Variants in CASR observed in about 807,000 individuals in gnomAD.
CASR encodes extracellular calcium-sensing receptor.
Under a neutral mutation model 69.1 loss-of-function variants are expected in CASR, and 23 were observed. That is an observed-to-expected ratio of 0.33 (90% CI 0.24 to 0.47). CASR has a LOEUF of 0.47. Ranked by LOEUF, CASR falls within the 20% of genes least tolerant of loss-of-function variation. The pLI, the probability that CASR is intolerant of heterozygous loss-of-function variation, is 1.00. For missense variants in CASR, 924 were observed against 1,356.1 expected (o/e 0.68, Z 5.00); for synonymous variants, 541 against 544.7 (o/e 0.99, Z 0.10).
chr3:122,280,277 C>T (rs60268541), intron 5 of CASR, among the ~76,000 whole-genome samples: 2,987 of 152,248 alleles, frequency 0.02, 108 homozygotes, highest in African/African-American at 0.066. Context: ...AAAAGCTGGA[C>T]GCATTCCCCT....
rs371792790 is a variant in CASR at position 122,289,030 on chromosome 3, G to C, written c.*3839G>C. ...TAATTTTGATTTTGGGGAAGTTGGG[G>C]CTACCCTACCTCTGTCTCCAAAAGG... On this transcript the variant is annotated 3_prime_UTR_variant, in exon 7 of 7. Transcript: ENST00000639785. The C allele has an allele frequency of 1.3e-5, 2 of 152,266 alleles. No individual in the cohort carries two copies. Among genetic ancestry groups the C allele is most frequent in the African/African-American group, 4.8e-5 (2 of 41,538 alleles). 9.4% of individuals were successfully genotyped at this position (152,266 alleles called of 1,614,324 possible).
rs201852643 is a variant in CASR at position 122,283,867 on chromosome 3, G to T, written c.1913G>T (p.Arg638Leu). 1.9e-6 allele frequency: 3 copies of T among 1,613,802 alleles called. No homozygotes were observed. The highest frequency in any genetic ancestry group is 2.5e-6 in the Non-Finnish European group (3 of 1,179,972). Reference sequence around the variant, plus strand: ...GTGCTGGGTGTGTTTATCAAGTTCCGCAACACACCCATTGTCAAGGCCACC... The same window carrying T: ...GTGCTGGGTGTGTTTATCAAGTTCCTCAACACACCCATTGTCAAGGCCACC... The part of the protein sequence containing the change: ...AFVLGVFIKF[R>L]NTPIVKATNR... Residue 638 changes from arginine to leucine, a missense_variant, in exon 7 of 7, where the codon CGC (arginine) becomes CTC (leucine). Coordinates refer to ENST00000639785, the MANE Select transcript of CASR (RefSeq NM_000388.4).
intron 1 of CASR, among the ~76,000 whole-genome samples, chr3:122,236,063 T>C (rs564520074): frequency 2.1e-4 from 32 of 152,358 alleles, no homozygotes; most frequent in African/African-American, 7.7e-4. Flanking sequence ...CTCACTTCCC[T>C]GCACCCGGCC....
chr3:122,265,138 A>G (rs1301543483), intron 4 of CASR, among the ~76,000 whole-genome samples: 1 of 152,212 alleles, frequency 6.6e-6, no homozygotes, highest in Non-Finnish European at 1.5e-5. Flanking sequence ...AGTCTTTTCA[A>G]ATCGTATTCC....
At chr3:122,231,589 A>G (rs776815016) in intron 1 of CASR, among the ~76,000 whole-genome samples, 2 of 152,200 alleles carry the variant, frequency 1.3e-5, no homozygotes, top group African/African-American at 2.4e-5. Flanking sequence ...CTCATCTTCC[A>G]TTCTTTCTCT....
At chr3:122,201,950 G>A (rs1264358748) in intron 1 of CASR, among the ~76,000 whole-genome samples, 1 of 151,968 alleles carries the variant, frequency 6.6e-6, no homozygotes, top group Non-Finnish European at 1.5e-5. Flanking sequence ...CAGCCAGGCA[G>A]AGGGGCTCCT....
chr3:122,249,862 G>C (rs903327800), intron 1 of CASR, among the ~76,000 whole-genome samples: 1 of 152,178 alleles, frequency 6.6e-6, no homozygotes, highest in African/African-American at 2.4e-5. Flanking sequence ...GTTTAAACCA[G>C]CCAGAAGCCT....
chr3:122,235,324 T>C (rs2074318956), intron 1 of CASR, among the ~76,000 whole-genome samples: 1 of 152,142 alleles, frequency 6.6e-6, no homozygotes, highest in Non-Finnish European at 1.5e-5. Context: ...GGGTGAGAAG[T>C]AGTCTATCTA....
intron 1 of CASR, among the ~76,000 whole-genome samples, chr3:122,188,678 A>G (rs1055547157): frequency 6.6e-6 from 1 of 152,076 alleles, no homozygotes; most frequent in Non-Finnish European, 1.5e-5. Context: ...GACTTCACCT[A>G]TTTGTCATTG....
intron 1 of CASR, among the ~76,000 whole-genome samples, chr3:122,216,694 T>G (rs1419122454): frequency 6.6e-6 from 1 of 152,224 alleles, no homozygotes; most frequent in East Asian, 1.9e-4. Flanking sequence ...CACATAAAAG[T>G]GCTCATTAAA....
rs765745520 is a variant in CASR, at chr3:122,275,806, C to T, written c.1378-6C>T. ...GGGCTTGTACTCATTCTTTGCTCCT[C>T]TTTAGGTCCTGAAGCACCTACGGCA... On this transcript the variant is annotated splice_region_variant and splice_polypyrimidine_tract_variant and intron_variant, in intron 4 of 6. Coordinates refer to ENST00000639785, the MANE Select transcript of CASR (RefSeq NM_000388.4). The T allele has an allele frequency of 8.1e-6, 13 of 1,604,414 alleles. No homozygotes were observed. The Admixed American group carries it at 2.2e-4, about 27-fold the overall frequency.
chr3:122,248,333 G>A (rs1254865184), intron 1 of CASR, among the ~76,000 whole-genome samples: 1 of 152,184 alleles, frequency 6.6e-6, no homozygotes. Flanking sequence ...AAAGGAAGCT[G>A]CAACTACAGC....
chr3:122,282,102 C>T lies in CASR; in HGVS notation c.1609-11C>T, dbSNP rs773737428. On this transcript the variant is annotated splice_polypyrimidine_tract_variant and intron_variant, in intron 5 of 6. Coordinates refer to ENST00000639785, the MANE Select transcript of CASR (RefSeq NM_000388.4). The stretch of plus-strand genomic sequence containing the variant: ...CTACAGCCACTCACCTTTGTGCTGT[C>T]TGTCCTCCAGGTGCCCTTCTCCAAC... The T allele has an allele frequency of 6.2e-7, 1 of 1,614,230 alleles. No individual in the cohort carries two copies. Among genetic ancestry groups the T allele is most frequent in the South Asian group, 1.1e-5 (1 of 91,082 alleles).
At chr3:122,264,925 C>A (rs921843110) in intron 4 of CASR, among the ~76,000 whole-genome samples, 6 of 152,228 alleles carry the variant, frequency 3.9e-5, no homozygotes, top group African/African-American at 1.4e-4. Context: ...AAGTCTCCAG[C>A]TGGAACTCCA....
intron 1 of CASR, among the ~76,000 whole-genome samples, chr3:122,245,974 T>G (rs567956298): frequency 6.6e-6 from 1 of 152,314 alleles, no homozygotes; most frequent in African/African-American, 2.4e-5. Context: ...TACTTCCCTT[T>G]TCAGTAAGAA....
At chr3:122,258,874 C>T (rs909908230) in intron 3 of CASR, among the ~76,000 whole-genome samples, 4 of 151,834 alleles carry the variant, frequency 2.6e-5, no homozygotes, top group African/African-American at 9.7e-5. Context: ...GCCTAGGTGT[C>T]GGGAGGTTTT....
intron 1 of CASR, among the ~76,000 whole-genome samples, chr3:122,200,059 CA>C (rs1284784335): frequency 1.3e-5 from 2 of 152,160 alleles, no homozygotes; most frequent in Non-Finnish European, 2.9e-5. Context: ...AGGCATGAGC[CA>C]TCACACCTGG....
chr3:122,243,164 C>A (rs2074394296), intron 1 of CASR, among the ~76,000 whole-genome samples: 1 of 152,016 alleles, frequency 6.6e-6, no homozygotes, highest in Admixed American at 6.6e-5. Context: ...CAAAGCAAAA[C>A]TGGATAAATG....
chr3:122,276,109 AG>A, intron 5 of CASR, 67 bp downstream of exon 5: 2 of 1,071,570 alleles, frequency 1.9e-6, no homozygotes, highest in Non-Finnish European at 2.9e-6. Flanking sequence ...GGGCTTTGGG[AG>A]GGCCTTTGGT....
Sources: allele counts gnomAD v4.1 joint callset (sites outside exome capture counted in the v4.1 genomes callset), GRCh38; gene constraint gnomAD v4.1.1; transcripts MANE v1.5; gene names NCBI Gene and HGNC (gene_info 2026-07-23, HGNC 2026-07-21).